Variants in MYRFL observed in about 807,000 individuals in gnomAD.
MYRFL encodes myelin regulatory factor like, also known as myelin regulatory factor-like protein.
A neutral mutation model predicts 109.4 loss-of-function variants in MYRFL; 88 were observed. The ratio of observed to expected loss-of-function variants is 0.80; its 90% confidence interval spans 0.68 to 0.96. The LOEUF is 0.96. MYRFL is among the 40% of genes least tolerant of loss of function. The probability of loss-of-function intolerance (pLI) is 0.00; values close to 1 mark genes in which losing one functional copy is unlikely to be tolerated. For synonymous variants in MYRFL, 324 were observed against 320.9 expected, an observed-to-expected ratio of 1.01 and a Z score of -0.10; for missense variants, 957 against 954.9, an observed-to-expected ratio of 1.00 and a Z score of -0.03.
At chr12:69,944,651 A>G (rs933938918) in intron 19 of MYRFL, among the ~76,000 whole-genome samples, 4 of 151,944 alleles carry the variant, frequency 2.6e-5, no homozygotes, top group Non-Finnish European at 5.9e-5. Flanking sequence ...AACCTGCACA[A>G]TGTGCACATG....
At chr12:69,891,666 T>G (rs1455723092) in intron 7 of MYRFL, among the ~76,000 whole-genome samples, 2 of 101,640 alleles carry the variant, frequency 2.0e-5, no homozygotes, top group African/African-American at 3.7e-5. Flanking sequence ...TCTTTCTTTC[T>G]TTCTTTCTTT....
chr12:69,896,864 T>C (rs1364196467), intron 9 of MYRFL, among the ~76,000 whole-genome samples: 1 of 152,208 alleles, frequency 6.6e-6, no homozygotes, highest in African/African-American at 2.4e-5. Flanking sequence ...TCCAGACCCC[T>C]CCTGGGATGT....
chr12:69,912,046 T>A (rs1954588117), intron 13 of MYRFL, among the ~76,000 whole-genome samples: 2 of 152,172 alleles, frequency 1.3e-5, no homozygotes, highest in African/African-American at 4.8e-5. Context: ...CTTTTCATGT[T>A]AGGCACCACC....
At chr12:69,950,886 A>G (rs1017689834) in intron 19 of MYRFL, among the ~76,000 whole-genome samples, 4 of 152,230 alleles carry the variant, frequency 2.6e-5, no homozygotes, top group African/African-American at 7.2e-5. Flanking sequence ...CACAAACTAG[A>G]TAGGAAATAA....
intron 22 of MYRFL, among the ~76,000 whole-genome samples, chr12:69,956,188 TAA>T (rs34735216): frequency 0.17 from 23,797 of 142,114 alleles, 2,408 homozygotes; most frequent in East Asian, 0.48. Context: ...TCAGGACACA[TAA>T]AAAAAAAAAA....
chr12:69,892,655 A>G (rs1886984256), intron 7 of MYRFL, among the ~76,000 whole-genome samples: 1 of 152,236 alleles, frequency 6.6e-6, no homozygotes, highest in Non-Finnish European at 1.5e-5. Context: ...CTTGCACCAA[A>G]CTGAGCTCTT....
chr12:69,846,148 A>G (rs574095478), intron 1 of MYRFL, among the ~76,000 whole-genome samples: 3 of 89,878 alleles, frequency 3.3e-5, no homozygotes, highest in African/African-American at 1.3e-4. Flanking sequence ...CTGCCACAGT[A>G]CTAGATACTT....
intron 2 of MYRFL, among the ~76,000 whole-genome samples, chr12:69,878,150 G>A (rs1440467338): frequency 6.7e-6 from 1 of 148,660 alleles, no homozygotes; most frequent in Admixed American, 6.8e-5. Flanking sequence ...GGCTGAGTCA[G>A]GATAATCACT....
rs534843694 is a variant in MYRFL at position 69,919,131 on chromosome 12, A to T, written c.1603-7440A>T. Reference sequence around the variant, plus strand: ...ATAGGTGCTTAATAAAGAACTACTGATTGTGTTCATCAATTGAATATTGAG... The same window carrying T: ...ATAGGTGCTTAATAAAGAACTACTGTTTGTGTTCATCAATTGAATATTGAG... On this transcript the variant is annotated intron_variant, in intron 13 of 24. Coordinates refer to ENST00000552032, the MANE Select transcript of MYRFL (RefSeq NM_182530.3). 4.6e-5 allele frequency among the ~76,000 whole-genome samples: 7 copies of T among 152,314 alleles called. No homozygotes were observed. The South Asian group carries it at 1.5e-3, about 32-fold the overall frequency.
intron 5 of MYRFL, among the ~76,000 whole-genome samples, chr12:69,882,125 C>A (rs1211730268): frequency 2.6e-5 from 4 of 152,154 alleles, no homozygotes; most frequent in Non-Finnish European, 4.4e-5. Context: ...TGATTCATCA[C>A]CATCTTCAGA....
At chr12:69,871,481 C>G (rs927586631) in intron 2 of MYRFL, among the ~76,000 whole-genome samples, 1 of 152,200 alleles carries the variant, frequency 6.6e-6, no homozygotes, top group African/African-American at 2.4e-5. Context: ...ATCCACCCAC[C>G]TTGGCCTCCC....
At chr12:69,888,678 G>A (rs899812911) in intron 6 of MYRFL, among the ~76,000 whole-genome samples, 5 of 152,196 alleles carry the variant, frequency 3.3e-5, no homozygotes, top group Admixed American at 6.5e-5. Flanking sequence ...TCAGCCTAAC[G>A]CTCATATCTT....
chr12:69,954,655 C>A (rs1282636839), intron 21 of MYRFL, among the ~76,000 whole-genome samples: 1 of 152,150 alleles, frequency 6.6e-6, no homozygotes, highest in Non-Finnish European at 1.5e-5. Flanking sequence ...TTTTTCCCAT[C>A]GATCTGATTT....
chr12:69,878,242 C>CAAAAAAAAAAAAA (rs60069243), intron 2 of MYRFL, among the ~76,000 whole-genome samples: 25 of 112,704 alleles, frequency 2.2e-4, no homozygotes, highest in Non-Finnish European at 3.0e-4. Flanking sequence ...GACTCCATCT[C>CAAAAAAAAAAAAA]AAAAAAAAAA....
chr12:69,867,501 T>A (rs749242963), intron 2 of MYRFL, among the ~76,000 whole-genome samples: 2 of 152,140 alleles, frequency 1.3e-5, no homozygotes, highest in Admixed American at 6.5e-5. Context: ...GGGAACTAGC[T>A]GAGGACACTG....
rs1045385832 is a variant in MYRFL at position 69,841,207 on chromosome 12, C to A, written c.47-14073C>A. Among the ~76,000 whole-genome samples, 3 of 152,252 alleles carry A rather than the reference C, an allele frequency of 2.0e-5. No individual in the cohort carries two copies. The East Asian group carries it at 5.8e-4, about 29-fold the overall frequency. On this transcript the variant is annotated intron_variant, in intron 1 of 24. Coordinates refer to ENST00000552032, the MANE Select transcript of MYRFL (RefSeq NM_182530.3). ...AAGAGTACAGAAGAGTACATGGCCC[C>A]ATGCAGATAAACTCATGCTCCTTCC...
intron 11 of MYRFL, 119 bp downstream of exon 11, chr12:69,903,963 G>A (rs931828335): frequency 4.5e-6 from 4 of 882,570 alleles, no homozygotes; most frequent in Admixed American, 6.0e-5. Flanking sequence ...ACTGGTGTGA[G>A]ATGAACACAC....
chr12:69,886,023 CA>C (rs779181687), intron 5 of MYRFL, among the ~76,000 whole-genome samples: 6 of 151,922 alleles, frequency 3.9e-5, no homozygotes, highest in Non-Finnish European at 8.8e-5. Flanking sequence ...CTTGGAGCCA[CA>C]AAAGACCTGC....
chr12:69,843,542 G>GGA (rs1883362518), intron 1 of MYRFL, among the ~76,000 whole-genome samples: 1 of 152,154 alleles, frequency 6.6e-6, no homozygotes. Context: ...GAGAAGGCAG[G>GGA]GAGTCCTGAA....
Sources: gnomAD v4.1 joint callset for allele counts (sites outside exome capture counted in the v4.1 genomes callset) on GRCh38, gnomAD v4.1.1 for gene constraint, MANE v1.5 for transcripts, NCBI Gene and HGNC (gene_info 2026-07-23, HGNC 2026-07-21) for gene names.